The following ZNF25 variants were observed in gnomAD, a reference collection of about 807,000 sequenced individuals.
ZNF25 encodes the protein zinc finger protein 25, also known as zinc finger protein 25 (KOX 19).
In ZNF25, 21 loss-of-function variants were observed where a neutral mutation model predicts 30.9. The ratio of observed to expected loss-of-function variants is 0.68; its 90% CI spans 0.48 to 0.98. The LOEUF (loss-of-function observed/expected upper bound fraction) is 0.98. Ranked by LOEUF, ZNF25 falls within the 50% of genes least tolerant of loss-of-function variation. The pLI, the probability that ZNF25 is intolerant of heterozygous loss-of-function variation, is 0.00. For missense variants in ZNF25, 501 were observed against 529.9 expected (o/e 0.95, Z 0.54); for synonymous variants, 169 against 181.3 (o/e 0.93, Z 0.55).
At chr10:37,964,774 A>G (rs2063090325) in intron 2 of ZNF25, among the ~76,000 whole-genome samples, 1 of 152,226 alleles carries the variant, frequency 6.6e-6, no homozygotes, top group African/African-American at 2.4e-5. Flanking sequence ...TCCAAGCCCA[A>G]GCAGGCTGTG....
intron 2 of ZNF25, among the ~76,000 whole-genome samples, chr10:37,970,426 T>C (rs1190729221): frequency 6.6e-6 from 1 of 152,162 alleles, no homozygotes; most frequent in Non-Finnish European, 1.5e-5. Context: ...TCAAGATCCA[T>C]TCATGATAAA....
chr10:37,967,984 TTCA>T (rs2135418272), intron 2 of ZNF25: 1 of 152,346 alleles, frequency 6.6e-6, no homozygotes, highest in Non-Finnish European at 1.5e-5. Context: ...TAAATTTTAC[TTCA>T]TCATAATTTG....
intron 1 of ZNF25, among the ~76,000 whole-genome samples, chr10:37,974,538 G>A (rs1296546376): frequency 1.3e-5 from 2 of 152,066 alleles, no homozygotes; most frequent in Non-Finnish European, 2.9e-5. Flanking sequence ...TTAATCATCA[G>A]ACAAATGCAA....
chr10:37,974,076 G>A (rs1019011405), intron 1 of ZNF25, among the ~76,000 whole-genome samples: 8 of 152,278 alleles, frequency 5.3e-5, no homozygotes, highest in South Asian at 4.1e-4. Context: ...ATATCCATAC[G>A]CAGAAGAATG....
At chr10:37,970,148 C>G (rs1237576480) in intron 2 of ZNF25, among the ~76,000 whole-genome samples, 1 of 152,040 alleles carries the variant, frequency 6.6e-6, no homozygotes, top group Non-Finnish European at 1.5e-5. Context: ...TATCCCAACC[C>G]CTAAAATCTG....
intron 2 of ZNF25, among the ~76,000 whole-genome samples, chr10:37,961,047 TAA>T (rs1298037561): frequency 6.6e-6 from 1 of 152,014 alleles, no homozygotes; most frequent in Non-Finnish European, 1.5e-5. Context: ...GAAAATTAAT[TAA>T]AGACTCCTCA....
intron 4 of ZNF25, among the ~76,000 whole-genome samples, chr10:37,954,393 T>C (rs563278925): frequency 6.6e-6 from 1 of 152,264 alleles, no homozygotes; most frequent in Admixed American, 6.5e-5. Flanking sequence ...GGGCTTTCAC[T>C]CTCCATCTAG....
rs184872246 is a variant in ZNF25, at chr10:37,959,695, C to T, written c.16-2149G>A. Among the ~76,000 whole-genome samples the T allele has an allele frequency of 3.9e-3, 581 of 150,842 alleles. 5 individuals are homozygous for T. The highest frequency in any genetic ancestry group is 0.013 in the African/African-American group (538 of 41,056). On this transcript the variant is annotated intron_variant, in intron 2 of 5. Coordinates refer to ENST00000302609, the MANE Select transcript of ZNF25 (RefSeq NM_145011.4). ...TGCAATCTCGGCTCACTGCAACCTCCGCCTCCCAGGTTCATGCCATTCTCC... is the reference window on the plus strand; with the variant it reads ...TGCAATCTCGGCTCACTGCAACCTCTGCCTCCCAGGTTCATGCCATTCTCC...
chr10:37,966,871 T>G (rs2063216800), intron 2 of ZNF25, among the ~76,000 whole-genome samples: 1 of 152,216 alleles, frequency 6.6e-6, no homozygotes, highest in South Asian at 2.1e-4. Flanking sequence ...TTAAATAGAT[T>G]AGACTCACGA....
chr10:37,954,270 A>G (rs1372302856), intron 4 of ZNF25, among the ~76,000 whole-genome samples: 1 of 152,212 alleles, frequency 6.6e-6, no homozygotes, highest in African/African-American at 2.4e-5. Context: ...TTAGCAGACA[A>G]ACTTCTACTT....
chr10:37,976,546 C>G lies in ZNF25; in HGVS notation c.-126G>C, dbSNP rs1396983568. 2 of 152,540 alleles carry G rather than the reference C, an allele frequency of 1.3e-5. No individual in the cohort carries two copies. The highest frequency in any genetic ancestry group is 2.9e-5 in the Non-Finnish European group (2 of 68,298). 9.4% of individuals were successfully genotyped at this position (152,540 alleles called of 1,614,324 possible). ...CTCTGCTCCCGGCCCGCGCCGGGCCCAGGCCCCGCCCTTTGCGGCCCAGCC... is the reference window on the plus strand; with the variant it reads ...CTCTGCTCCCGGCCCGCGCCGGGCCGAGGCCCCGCCCTTTGCGGCCCAGCC... On this transcript the variant is annotated 5_prime_UTR_variant, in exon 1 of 6. Coordinates refer to ENST00000302609, the MANE Select transcript of ZNF25 (RefSeq NM_145011.4).
At chr10:37,973,600 A>G (rs1223547646) in intron 1 of ZNF25, among the ~76,000 whole-genome samples, 1 of 151,310 alleles carries the variant, frequency 6.6e-6, no homozygotes, top group Non-Finnish European at 1.5e-5. Flanking sequence ...TTGTCTCAAA[A>G]AAAAAAAAAA....
Position 37,958,771 on chromosome 10 carries a change from G to T in ZNF25, c.16-1225C>A, listed in dbSNP as rs2062682373. Among the ~76,000 whole-genome samples the T allele has an allele frequency of 3.9e-5, 6 of 152,070 alleles. No homozygotes were observed. The South Asian group carries it at 6.2e-4, about 16-fold the overall frequency. Reference sequence around the variant, plus strand: ...TATCAAAAAAAAAAAAATTAGGCTGGGTACAGTGGCCCACGCCTGTAATCC... The same window carrying T: ...TATCAAAAAAAAAAAAATTAGGCTGTGTACAGTGGCCCACGCCTGTAATCC... On this transcript the variant is annotated intron_variant, in intron 2 of 5. Coordinates refer to ENST00000302609, the MANE Select transcript of ZNF25 (RefSeq NM_145011.4).
At chr10:37,967,902 G>A (rs1314570319) in intron 2 of ZNF25, 1 of 152,124 alleles carries the variant, frequency 6.6e-6, no homozygotes, top group Non-Finnish European at 1.5e-5. Context: ...ACTCTTAGAA[G>A]AAAACATAGC....
intron 1 of ZNF25, among the ~76,000 whole-genome samples, chr10:37,974,109 C>G (rs2063660816): frequency 6.6e-6 from 1 of 152,188 alleles, no homozygotes; most frequent in Non-Finnish European, 1.5e-5. Flanking sequence ...TGTCTCTCAT[C>G]ATATGCAAAA....
chr10:37,976,102 C>T (rs1382771420), intron 1 of ZNF25, among the ~76,000 whole-genome samples: 2 of 152,236 alleles, frequency 1.3e-5, no homozygotes, highest in Non-Finnish European at 2.9e-5. Context: ...TACTTTACAT[C>T]TATTACCCTA....
At chr10:37,974,523 CATCATTA>C (rs1299096090) in intron 1 of ZNF25, among the ~76,000 whole-genome samples, 4 of 152,258 alleles carry the variant, frequency 2.6e-5, no homozygotes, top group African/African-American at 9.6e-5. Flanking sequence ...AAATCTTCAA[CATCATTA>C]ATCATCAGAC....
At chr10:37,955,621 TA>T (rs1245396345) in intron 4 of ZNF25, among the ~76,000 whole-genome samples, 1 of 152,222 alleles carries the variant, frequency 6.6e-6, no homozygotes, top group East Asian at 1.9e-4. Context: ...CTACAGGAGT[TA>T]ATAAAAGGAA....
At chr10:37,958,446 C>T (rs2062661641) in intron 2 of ZNF25, among the ~76,000 whole-genome samples, 1 of 152,086 alleles carries the variant, frequency 6.6e-6, no homozygotes, top group Admixed American at 6.6e-5. Flanking sequence ...TAGGTATGTA[C>T]TTACGGTAAG....
Sources: gnomAD v4.1 joint callset for allele counts (sites outside exome capture counted in the v4.1 genomes callset) on GRCh38, gnomAD v4.1.1 for gene constraint, MANE v1.5 for transcripts, NCBI Gene and HGNC (gene_info 2026-07-23, HGNC 2026-07-21) for gene names.